Variants in ACSF2 observed in about 807,000 individuals in gnomAD.
The protein encoded by ACSF2 is medium-chain acyl-CoA ligase ACSF2, mitochondrial.
A neutral mutation model predicts 79.3 loss-of-function variants in ACSF2; 52 were observed. The ratio of observed to expected loss-of-function variants is 0.66; its 90% CI spans 0.53 to 0.83. The LOEUF is 0.83. ACSF2 is among the 40% of genes least tolerant of loss of function. The probability of loss-of-function intolerance (pLI) is 0.00; values close to 1 mark genes in which losing one functional copy is unlikely to be tolerated. For missense variants in ACSF2, 661 were observed against 803.3 expected (o/e 0.82, Z 2.14); for synonymous variants, 283 against 312.6 (o/e 0.91, Z 1.00).
Position 50,467,639 on chromosome 17 carries a change from A to G in ACSF2, c.1215+3345A>G, listed in dbSNP as rs736912. Among the ~76,000 whole-genome samples, 368 of 152,178 alleles carry G rather than the reference A, an allele frequency of 2.4e-3. 11 individuals are homozygous for G. The highest frequency in any genetic ancestry group is 0.022 in the Admixed American group (329 of 15,302). ...GCCCAGCTCCTCTGGAAGGCTCCTCAATAAACAAACCTTCCTTTATGGGGT... is the reference window on the plus strand; with the variant it reads ...GCCCAGCTCCTCTGGAAGGCTCCTCGATAAACAAACCTTCCTTTATGGGGT... On this transcript the variant is annotated intron_variant, in intron 10 of 15. Transcript: ENST00000300441.
At position 50,473,972 on chromosome 17, in the gene ACSF2, G is replaced by T; in HGVS notation, c.1696G>T (p.Val566Leu). The T allele has an allele frequency of 1.3e-6, 2 of 1,528,106 alleles. No individual in the cohort carries two copies. The highest frequency in any genetic ancestry group is 1.8e-6 in the Non-Finnish European group (2 of 1,137,470). 94.7% of individuals were successfully genotyped at this position (1,528,106 alleles called of 1,614,324 possible). A position where few individuals can be genotyped will look rare whatever the true frequency, so the allele number is the denominator to read the frequency against. ...IRLKDGEETTVEEIKAFCKGK... is the reference protein window; with the variant it reads ...IRLKDGEETTLEEIKAFCKGK... ...GCTGAAGGACGGGGAGGAGACCACG[G>T]TGGAGGAGATAAAAGCTTTCTGCAA... Residue 566 changes from valine (V) to leucine (L), a missense_variant, in exon 14 of 16, where the codon GTG becomes TTG. Transcript: ENST00000300441.
intron 1 of ACSF2, among the ~76,000 whole-genome samples, chr17:50,456,474 T>C (rs2032006660): frequency 6.6e-6 from 1 of 152,164 alleles, no homozygotes; most frequent in South Asian, 2.1e-4. Context: ...GGCTCACACC[T>C]GTAATCCTAG....
chr17:50,465,586 C>T, intron 10 of ACSF2: 3 of 1,475,560 alleles, frequency 2.0e-6, no homozygotes, highest in South Asian at 2.5e-5. Context: ...CTGAGGCTCC[C>T]AGGGTCCCAT....
chr17:50,441,600 T>C (rs1440968711), intron 1 of ACSF2, among the ~76,000 whole-genome samples: 2 of 152,176 alleles, frequency 1.3e-5, no homozygotes, highest in Non-Finnish European at 2.9e-5. Flanking sequence ...TGGCTTTGGG[T>C]GAGGTGCTGC....
intron 1 of ACSF2, among the ~76,000 whole-genome samples, chr17:50,434,193 CT>C (rs2030194565): frequency 6.6e-6 from 1 of 151,616 alleles, no homozygotes; most frequent in African/African-American, 2.4e-5. Flanking sequence ...GTGGCATGTG[CT>C]TGTGGTTCCA....
chr17:50,459,916 A>C (rs772677126), intron 1 of ACSF2, among the ~76,000 whole-genome samples: 1 of 152,106 alleles, frequency 6.6e-6, no homozygotes, highest in East Asian at 1.9e-4. Context: ...CTTATCTGAC[A>C]TCTGGCCCCT....
In ACSF2 at chr17:50,460,729, G is replaced by A. The variant is rs541683291; in HGVS notation, c.181G>A (p.Val61Ile). The A allele has an allele frequency of 5.2e-5, 84 of 1,613,306 alleles. 1 individual carries two copies. The East Asian group carries it at 5.6e-4, about 11-fold the overall frequency. Reference protein sequence around the residue: ...VSTPIGGLSYVQGCTKKHLNS... With the variant: ...VSTPIGGLSYIQGCTKKHLNS... ...CACGCCCATCGGAGGCCTCAGCTAC[G>A]TTCAGGGGTGCACCAAAAAGCATCT... is the stretch of plus-strand genomic sequence containing the variant. The change falls in exon 2 of 16, where the codon GTT becomes ATT. Residue 61 changes from valine (V) to isoleucine (I), a missense_variant. Val to Ile is a conservative substitution (Grantham distance 29, BLOSUM62 3). Coordinates refer to ENST00000300441, the MANE Select transcript of ACSF2 (RefSeq NM_025149.6).
chr17:50,447,277 C>G (rs1237871978), intron 1 of ACSF2, among the ~76,000 whole-genome samples: 1 of 152,130 alleles, frequency 6.6e-6, no homozygotes, highest in Non-Finnish European at 1.5e-5. Flanking sequence ...TGGTGGCTCA[C>G]TCTTGTAATC....
Position 50,461,640 on chromosome 17 carries a change from TG to T in ACSF2, c.462del (p.Asn155ThrfsTer36). ...CCTCGCCGCTTCCACCAGGTGTCTG[TG>T]AACCCAGCCTACCAGGCTATGGAAC... is the stretch of plus-strand genomic sequence containing the variant. ...TAQAGIILVS[V>X]NPAYQAMELE... On this transcript the variant is annotated frameshift_variant, in exon 4 of 16. Transcript: ENST00000300441. LOFTEE classifies it high-confidence loss of function. 6.2e-7 allele frequency: 1 copy of T among 1,614,114 alleles called. No individual in the cohort carries two copies. Among genetic ancestry groups the T allele is most frequent in the Non-Finnish European group, 8.5e-7 (1 of 1,179,992 alleles).
rs952221856 is a variant in ACSF2 at position 50,460,435 on chromosome 17, C to T, written c.129-242C>T. 54 of 546,150 alleles carry T rather than the reference C, an allele frequency of 9.9e-5. No homozygotes were observed. The East Asian group carries it at 1.6e-3, about 16-fold the overall frequency. The allele number at this position is 546,150 out of a possible 1,614,324, so 33.8% of individuals were successfully genotyped here. ...TGGCATCTCACCTTTCCCGGGAAGG[C>T]GAAGGAGGGCCCTTTGCTCCAGCTT... On this transcript the variant is annotated intron_variant, in intron 1 of 15. Transcript: ENST00000300441.
Position 50,474,119 on chromosome 17 carries a change from A to C in ACSF2, c.1729-80A>C. ...CCCTTGACGAAGCTGACTCCTGGCC[A>C]GGCCAGCCCCTGGTCCCCTACCCAT... On this transcript the variant is annotated intron_variant, in intron 14 of 15. Transcript: ENST00000300441. The surrounding 1 kb of genome is among the most constrained non-coding windows in gnomAD (Gnocchi z 4.2). 1.3e-6 allele frequency: 2 copies of C among 1,598,762 alleles called. No individual in the cohort carries two copies. Among genetic ancestry groups the C allele is most frequent in the South Asian group, 2.2e-5 (2 of 90,256 alleles).
intron 1 of ACSF2, among the ~76,000 whole-genome samples, chr17:50,430,643 C>A (rs979482744): frequency 4.6e-5 from 7 of 151,990 alleles, no homozygotes; most frequent in African/African-American, 1.5e-4. Context: ...CCAACCTGGG[C>A]GACAGAGCGA....
chr17:50,469,634 C>T (rs1410751594), intron 10 of ACSF2, among the ~76,000 whole-genome samples: 1 of 152,236 alleles, frequency 6.6e-6, no homozygotes, highest in Non-Finnish European at 1.5e-5. Context: ...CTGGAAACCA[C>T]AGGCCACAAG....
At position 50,439,232 on chromosome 17, in the gene ACSF2, C is replaced by CTTTT. The variant is rs754203020; in HGVS notation, c.128+12867_128+12870dup. Among the ~76,000 whole-genome samples, 8 of 96,462 alleles carry CTTTT rather than the reference C, an allele frequency of 8.3e-5. 1 individual carries two copies. Among genetic ancestry groups the CTTTT allele is most frequent in the African/African-American group, 2.3e-4 (5 of 21,298 alleles). The allele number at this position is 96,462 out of a possible 152,430, so 63.3% of individuals were successfully genotyped here. ...ACGACAGGTGCATGCTACCACACAG[C>CTTTT]TTTTTTTTTTTTTTTTTTTTTTTTT... On this transcript the variant is annotated intron_variant, in intron 1 of 15. Transcript: ENST00000300441.
At chr17:50,467,869 G>T in intron 10 of ACSF2, 1 of 622,056 alleles carries the variant, frequency 1.6e-6, no homozygotes, top group East Asian at 2.8e-5. Context: ...CAGGGATTAG[G>T]GTAGGGATGT....
Position 50,463,695 on chromosome 17 carries a change from C to T in ACSF2, c.1047-123C>T, listed in dbSNP as rs2032492502. The T allele has an allele frequency of 6.8e-7, 1 of 1,469,240 alleles. No homozygotes were observed. The highest frequency in any genetic ancestry group is 1.3e-5 in the South Asian group (1 of 79,992). The allele number at this position is 1,469,240 out of a possible 1,614,324, so 91.0% of individuals were successfully genotyped here. ...ACAGTGGAGGACCCCCAGGAGAGGA[C>T]CAGTTCCTGCCTCAGGAGCTTCTCC... On this transcript the variant is annotated intron_variant, in intron 8 of 15. Coordinates refer to ENST00000300441, the MANE Select transcript of ACSF2 (RefSeq NM_025149.6). This position sits in a 1 kb window ranked among gnomAD's most constrained non-coding sequence, Gnocchi z 4.6.
chr17:50,465,115 G>C (rs2032610978), intron 10 of ACSF2: 1 of 650,678 alleles, frequency 1.5e-6, no homozygotes, highest in African/African-American at 1.8e-5. Context: ...GAAAATGGTG[G>C]AAGTCCTGGG....
intron 1 of ACSF2, among the ~76,000 whole-genome samples, chr17:50,428,081 T>G (rs1320336066): frequency 1.3e-5 from 2 of 152,164 alleles, no homozygotes; most frequent in African/African-American, 2.4e-5. Context: ...CTCAGCACTT[T>G]GGAAAGCAGA....
intron 1 of ACSF2, among the ~76,000 whole-genome samples, chr17:50,429,236 GTGT>G (rs1915300148): frequency 1.3e-5 from 2 of 152,218 alleles, no homozygotes; most frequent in African/African-American, 2.4e-5. Context: ...CCTTCTTGCT[GTGT>G]TGTTGGGCTG....
Sources: allele counts gnomAD v4.1 joint callset (sites outside exome capture counted in the v4.1 genomes callset), GRCh38; gene constraint gnomAD v4.1.1; non-coding constraint Gnocchi (gnomAD v3.1); transcripts MANE v1.5; gene names NCBI Gene and HGNC (gene_info 2026-07-23, HGNC 2026-07-21).